Variants in TMCO6 observed in about 807,000 individuals in gnomAD.
TMCO6 encodes the protein transmembrane and coiled-coil domains 6.
In TMCO6, 47 loss-of-function variants were observed where a neutral mutation model predicts 61.8. The ratio of observed to expected loss-of-function variants is 0.76; its 90% CI spans 0.60 to 0.97. The LOEUF is 0.97. Ranked by LOEUF, TMCO6 falls within the 50% of genes least tolerant of loss-of-function variation. The pLI is 0.00. For synonymous variants in TMCO6, 261 were observed against 254.2 expected (o/e 1.03, Z -0.25); for missense variants, 557 against 601.6 (o/e 0.93, Z 0.78).
chr5:140,634,876 A>G (rs1185801781), upstream of TMCO6, among the ~76,000 whole-genome samples: 1 of 152,088 alleles, frequency 6.6e-6, no homozygotes, highest in African/African-American at 2.4e-5. Flanking sequence ...TCCGCCTCCC[A>G]GGTTCCAGCA....
the TMCO6 span, among the ~76,000 whole-genome samples, chr5:140,617,828 A>G: frequency 6.6e-6 from 1 of 152,072 alleles, no homozygotes; most frequent in Admixed American, 6.5e-5. Flanking sequence ...TATGGCTACT[A>G]TTTTTTAAAA....
At chr5:140,632,168 G>A in the TMCO6 span, 3 of 1,614,006 alleles carry the variant, frequency 1.9e-6, no homozygotes, top group Non-Finnish European at 2.5e-6. This position sits in a 1 kb window ranked among gnomAD's most constrained non-coding sequence, Gnocchi z 6.2. Flanking sequence ...TGGACCACAT[G>A]CATCTCGGAG....
chr5:140,644,060 TG>T (rs776144931), intron 9 of TMCO6, 39 bp from the exon 10 acceptor site: 2 of 1,612,874 alleles, frequency 1.2e-6, no homozygotes, highest in Non-Finnish European at 8.5e-7. Context: ...ACAGGGGTGG[TG>T]GGGGAAAGCA....
the TMCO6 span, chr5:140,632,615 G>C: frequency 1.2e-6 from 2 of 1,613,776 alleles, no homozygotes; most frequent in Admixed American, 1.7e-5. This position sits in a 1 kb window ranked among gnomAD's most constrained non-coding sequence, Gnocchi z 6.2. Flanking sequence ...TTAGGTCCTC[G>C]AGCGTCAGTT....
intron 10 of TMCO6, 83 bp downstream of exon 10, chr5:140,644,277 A>C: frequency 2.1e-6 from 3 of 1,442,784 alleles, no homozygotes; most frequent in Non-Finnish European, 2.9e-6. Context: ...ATGTACCCTT[A>C]GTTGAGAGCC....
At chr5:140,608,288 C>T in the TMCO6 span, among the ~76,000 whole-genome samples, 1 of 152,150 alleles carries the variant, frequency 6.6e-6, no homozygotes, top group African/African-American at 2.4e-5. Flanking sequence ...GACTTTCAGG[C>T]ATTTGTGTGC....
Position 140,645,177 on chromosome 5 carries a change from G to A in TMCO6, c.*79G>A. 2 of 1,436,898 alleles carry A rather than the reference G, an allele frequency of 1.4e-6. No homozygotes were observed. Among genetic ancestry groups the A allele is most frequent in the Non-Finnish European group, 1.9e-6 (2 of 1,028,010 alleles). The allele number at this position is 1,436,898 out of a possible 1,614,324, so 89.0% of individuals were successfully genotyped here. A position where few individuals can be genotyped will look rare whatever the true frequency, so the allele number is the denominator to read the frequency against. ...TCCAGTAGAGCCTTTGGAGATTTAG[G>A]ACCATAATGAGGTCTCATGTTCTCT... On this transcript the variant is annotated 3_prime_UTR_variant, in exon 12 of 12. Coordinates refer to ENST00000394671, the MANE Select transcript of TMCO6 (RefSeq NM_018502.5).
At chr5:140,611,507 A>G in the TMCO6 span, among the ~76,000 whole-genome samples, 1 of 152,150 alleles carries the variant, frequency 6.6e-6, no homozygotes, top group Non-Finnish European at 1.5e-5. Flanking sequence ...GCTTGTTGTT[A>G]GAATAGAAAT....
At chr5:140,606,484 T>C in the TMCO6 span, among the ~76,000 whole-genome samples, 10 of 152,354 alleles carry the variant, frequency 6.6e-5, 1 homozygote, top group South Asian at 2.1e-3. Context: ...TTCTATTTTT[T>C]CCATTCCTTA....
At chr5:140,619,511 A>G in the TMCO6 span, among the ~76,000 whole-genome samples, 1 of 152,148 alleles carries the variant, frequency 6.6e-6, no homozygotes, top group Non-Finnish European at 1.5e-5. Flanking sequence ...TTCAGGTGCA[A>G]TAAGATAGGG....
the TMCO6 span, chr5:140,633,225 A>C: frequency 1.1e-6 from 1 of 919,440 alleles, no homozygotes; most frequent in Non-Finnish European, 1.7e-6. Flanking sequence ...GATGTCATTC[A>C]GTTCCCTCCT....
Position 140,644,195 on chromosome 5 carries a change from G to A in TMCO6, c.1200+1G>A. ...AGTATCTAACGTGGTGAGCGTAATGGTATGTATTGGGGTTACTTGAATCCA... is the reference window on the plus strand; with the variant it reads ...AGTATCTAACGTGGTGAGCGTAATGATATGTATTGGGGTTACTTGAATCCA... On this transcript the variant is annotated splice_donor_variant, in intron 10 of 11. Coordinates refer to ENST00000394671, the MANE Select transcript of TMCO6 (RefSeq NM_018502.5). LOFTEE classifies it high-confidence loss of function. 1 of 1,613,916 alleles carries A rather than the reference G, an allele frequency of 6.2e-7. No individual in the cohort carries two copies. The highest frequency in any genetic ancestry group is 8.5e-7 in the Non-Finnish European group (1 of 1,179,812).
chr5:140,633,955 A>G, the TMCO6 span, among the ~76,000 whole-genome samples: 1 of 151,722 alleles, frequency 6.6e-6, no homozygotes, highest in African/African-American at 2.4e-5. Context: ...CACCCAGCTA[A>G]TTTTTGTATT....
chr5:140,623,184 A>G, the TMCO6 span, among the ~76,000 whole-genome samples: 1 of 152,062 alleles, frequency 6.6e-6, no homozygotes, highest in East Asian at 1.9e-4. Flanking sequence ...CTAACTGCCT[A>G]TTTTTCTATG....
At chr5:140,601,280 G>T in the TMCO6 span, among the ~76,000 whole-genome samples, 1 of 152,204 alleles carries the variant, frequency 6.6e-6, no homozygotes, top group African/African-American at 2.4e-5. Context: ...TAAGGCCTTG[G>T]GTCTGCAATG....
At chr5:140,646,001 T>TTC (rs1416758796), downstream of TMCO6, among the ~76,000 whole-genome samples, 4 of 146,470 alleles carry the variant, frequency 2.7e-5, no homozygotes, top group African/African-American at 5.0e-5. Flanking sequence ...TGGGAGCCCA[T>TTC]TCTCTCTCTT....
chr5:140,646,049 C>T (rs1757379512), downstream of TMCO6, among the ~76,000 whole-genome samples: 3 of 145,398 alleles, frequency 2.1e-5, no homozygotes, highest in Non-Finnish European at 4.5e-5. Flanking sequence ...CTCGCTCTGT[C>T]ACCCAGGCTG....
chr5:140,619,894 A>G, the TMCO6 span, among the ~76,000 whole-genome samples: 1 of 152,344 alleles, frequency 6.6e-6, no homozygotes, highest in South Asian at 2.1e-4. Context: ...GACAACAACA[A>G]ATGCTGGTGA....
At chr5:140,636,439 A>G (rs1756771211), upstream of TMCO6, among the ~76,000 whole-genome samples, 2 of 151,680 alleles carry the variant, frequency 1.3e-5, no homozygotes, top group Admixed American at 6.6e-5. Context: ...ACTGCACTGC[A>G]GCGTGGGCAA....
Sources: allele counts gnomAD v4.1 joint callset (sites outside exome capture counted in the v4.1 genomes callset), GRCh38; gene constraint gnomAD v4.1.1; non-coding constraint Gnocchi (gnomAD v3.1); transcripts MANE v1.5; gene names NCBI Gene and HGNC (gene_info 2026-07-23, HGNC 2026-07-21).